MYO1E: variants seen among roughly 807,000 people sequenced by gnomAD.
The protein encoded by MYO1E is myosin IE.
A neutral mutation model predicts 151.1 loss-of-function variants in MYO1E; 68 were observed. That is an observed-to-expected ratio of 0.45 (90% CI 0.37 to 0.55). The LOEUF is 0.55. Among genes scored for constraint, MYO1E ranks in the 20% least tolerant of loss-of-function variants. The pLI, the probability that MYO1E is intolerant of heterozygous loss-of-function variation, is 0.00. For synonymous variants in MYO1E, 601 were observed against 501.7 expected, an observed-to-expected ratio of 1.20 and a Z score of -2.64; for missense variants, 1,363 against 1,389.3, an observed-to-expected ratio of 0.98 and a Z score of 0.30.
chr15:59,137,833 A>G (rs2079382365), intron 27 of MYO1E, among the ~76,000 whole-genome samples: 1 of 152,262 alleles, frequency 6.6e-6, no homozygotes, highest in Admixed American at 6.5e-5. Flanking sequence ...AGGGATGGAC[A>G]CATGGCTAAT....
chr15:59,161,346 C>T (rs1308034077), intron 23 of MYO1E, 116 bp from the exon 24 acceptor site: 1 of 1,126,198 alleles, frequency 8.9e-7, no homozygotes, highest in African/African-American at 1.6e-5. Flanking sequence ...CGAGAACGGA[C>T]AATCTACACC....
intron 1 of MYO1E, among the ~76,000 whole-genome samples, chr15:59,347,521 C>T (rs1208111253): frequency 1.3e-5 from 2 of 151,952 alleles, no homozygotes; most frequent in Non-Finnish European, 2.9e-5. Context: ...GTATAAATTG[C>T]CAAGAACTCA....
At chr15:59,215,701 A>T (rs1479755447) in intron 10 of MYO1E, among the ~76,000 whole-genome samples, 3 of 152,226 alleles carry the variant, frequency 2.0e-5, no homozygotes, top group African/African-American at 7.2e-5. Context: ...CACAACACAC[A>T]GTCAGTGCCC....
intron 1 of MYO1E, among the ~76,000 whole-genome samples, chr15:59,311,759 G>A (rs1214952846): frequency 1.3e-5 from 2 of 152,196 alleles, no homozygotes; most frequent in African/African-American, 4.8e-5. Flanking sequence ...GAACCTTTAA[G>A]AAGTGACTAG....
At chr15:59,241,300 A>T (rs973074624) in intron 4 of MYO1E, among the ~76,000 whole-genome samples, 39 of 152,214 alleles carry the variant, frequency 2.6e-4, no homozygotes, top group African/African-American at 8.7e-4. Flanking sequence ...TTGGAGAACC[A>T]GCCTTAGCAA....
intron 7 of MYO1E, among the ~76,000 whole-genome samples, chr15:59,225,632 TTTTC>T (rs1413595221): frequency 1.1e-4 from 15 of 139,848 alleles, no homozygotes; most frequent in African/African-American, 3.9e-4. Context: ...AAGAATTTCT[TTTTC>T]TTTCTTTTCT....
intron 1 of MYO1E, among the ~76,000 whole-genome samples, chr15:59,276,984 C>G (rs1355515434): frequency 6.6e-6 from 1 of 152,166 alleles, no homozygotes; most frequent in East Asian, 1.9e-4. Flanking sequence ...TTTGATGCAT[C>G]TGGGAGAAAG....
At chr15:59,160,359 G>A (rs1290658606) in intron 24 of MYO1E, among the ~76,000 whole-genome samples, 1 of 148,546 alleles carries the variant, frequency 6.7e-6, no homozygotes, top group Non-Finnish European at 1.5e-5. Flanking sequence ...GTGTGTGTGT[G>A]TGTGTGTGTG....
chr15:59,327,021 C>T (rs1163034743), intron 1 of MYO1E, among the ~76,000 whole-genome samples: 1 of 152,204 alleles, frequency 6.6e-6, no homozygotes, highest in Non-Finnish European at 1.5e-5. Context: ...CACCTGCACC[C>T]AGAGGAACTG....
intron 16 of MYO1E, among the ~76,000 whole-genome samples, chr15:59,196,511 A>C (rs1331013254): frequency 6.6e-6 from 1 of 152,204 alleles, no homozygotes; most frequent in East Asian, 1.9e-4. Flanking sequence ...AAAAAAAGCC[A>C]AAAGGGACCT....
At chr15:59,331,650 T>G (rs548349101) in intron 1 of MYO1E, among the ~76,000 whole-genome samples, 10 of 152,304 alleles carry the variant, frequency 6.6e-5, no homozygotes, top group African/African-American at 1.9e-4. Flanking sequence ...TGGAAAGAAA[T>G]GAATCCCAAA....
Position 59,322,133 on chromosome 15 carries a change from C to G in MYO1E, c.4-49684G>C, listed in dbSNP as rs975819615. Among the ~76,000 whole-genome samples, 4 of 151,540 alleles carry G rather than the reference C, an allele frequency of 2.6e-5. No homozygotes were observed. In the East Asian group the frequency reaches 7.8e-4, roughly 29 times the overall value. On this transcript the variant is annotated intron_variant, in intron 1 of 27. Coordinates refer to ENST00000288235, the MANE Select transcript of MYO1E (RefSeq NM_004998.4). The stretch of plus-strand genomic sequence containing the variant: ...GAGGTTGCAGTGAGCCAAGTTCACA[C>G]CACTGCACTCCAGCCCGGGCAACAG...
rs1332248781 is a variant in MYO1E at position 59,137,065 on chromosome 15, T to G, written c.*315A>C. On this transcript the variant is annotated 3_prime_UTR_variant, in exon 28 of 28. Transcript: ENST00000288235. ...GTGAGCAAGCAGGGTGCTGTTTTGA[T>G]AGAAGCCTACAAGGTCTGAGCAGAC... 13 of 416,970 alleles carry G rather than the reference T, an allele frequency of 3.1e-5. No homozygotes were observed. The highest frequency in any genetic ancestry group is 5.0e-5 in the Non-Finnish European group (11 of 220,348). The allele number at this position is 416,970 out of a possible 1,614,324, so 25.8% of individuals were successfully genotyped here.
At chr15:59,306,309 A>G (rs1215602274) in intron 1 of MYO1E, among the ~76,000 whole-genome samples, 1 of 152,184 alleles carries the variant, frequency 6.6e-6, no homozygotes, top group Non-Finnish European at 1.5e-5. Context: ...GAGTATATTT[A>G]TGGTCTTTTC....
At chr15:59,237,986 G>A (rs2080077115) in intron 4 of MYO1E, among the ~76,000 whole-genome samples, 2 of 152,284 alleles carry the variant, frequency 1.3e-5, no homozygotes, top group South Asian at 4.1e-4. Context: ...ACCTGCAAAA[G>A]TCTGAACCCA....
intron 1 of MYO1E, among the ~76,000 whole-genome samples, chr15:59,294,012 A>T (rs903268706): frequency 6.6e-6 from 1 of 152,204 alleles, no homozygotes; most frequent in Non-Finnish European, 1.5e-5. Flanking sequence ...ACTGCATTCC[A>T]GCCTGGGCAA....
chr15:59,294,569 C>T (rs1223105987), intron 1 of MYO1E, among the ~76,000 whole-genome samples: 1 of 152,190 alleles, frequency 6.6e-6, no homozygotes, highest in Non-Finnish European at 1.5e-5. Context: ...TTTGCCCTCC[C>T]GCTTTCAATT....
At chr15:59,223,246 C>G in intron 8 of MYO1E, 55 bp from the exon 9 acceptor site, 3 of 1,610,774 alleles carry the variant, frequency 1.9e-6, no homozygotes, top group Non-Finnish European at 1.7e-6. Context: ...TTTAAAAGCA[C>G]CTTAGGAAGA....
chr15:59,152,026 G>A (rs904115156), intron 26 of MYO1E, among the ~76,000 whole-genome samples: 1 of 151,256 alleles, frequency 6.6e-6, no homozygotes, highest in Non-Finnish European at 1.5e-5. Context: ...CGAGATTGTG[G>A]CACTGCACTC....
Sources: allele counts gnomAD v4.1 joint callset (sites outside exome capture counted in the v4.1 genomes callset), GRCh38; gene constraint gnomAD v4.1.1; transcripts MANE v1.5; gene names NCBI Gene and HGNC (gene_info 2026-07-23, HGNC 2026-07-21).